The following SH3PXD2B variants were observed in gnomAD, a reference collection of about 807,000 sequenced individuals.
SH3PXD2B encodes the protein SH3 and PX domain-containing protein 2B.
A neutral mutation model predicts 73.1 loss-of-function variants in SH3PXD2B; 37 were observed. The observed-to-expected ratio is 0.51, with a 90% CI of 0.39 to 0.67. SH3PXD2B has a LOEUF of 0.67. SH3PXD2B is among the 30% of genes least tolerant of loss of function. SH3PXD2B has a pLI of 0.00. For missense variants in SH3PXD2B, 1,053 were observed against 1,197.8 expected (o/e 0.88, Z 1.78); for synonymous variants, 457 against 480.5 (o/e 0.95, Z 0.64).
At position 172,335,142 on chromosome 5, in the gene SH3PXD2B, G is replaced by T; in HGVS notation, c.*3227C>A. The T allele has an allele frequency of 3.0e-6, 3 of 988,238 alleles. No homozygotes were observed. The highest frequency in any genetic ancestry group is 3.6e-6 in the Non-Finnish European group (3 of 831,966). 61.2% of individuals were successfully genotyped at this position (988,238 alleles called of 1,614,324 possible). On this transcript the variant is annotated 3_prime_UTR_variant, in exon 13 of 13. Coordinates refer to ENST00000311601, the MANE Select transcript of SH3PXD2B (RefSeq NM_001017995.3). The stretch of plus-strand genomic sequence containing the variant: ...TATCAAGAGGTGGTCTTAGACTCAG[G>T]GTTTTCCAAATTTTTGGAGGTACCG...
At chr5:172,422,323 T>TA (rs1265544333) in intron 2 of SH3PXD2B, 93 bp downstream of exon 2, 8 of 1,232,638 alleles carry the variant, frequency 6.5e-6, no homozygotes, top group East Asian at 2.6e-5. Flanking sequence ...TCTGGGAAAT[T>TA]AAAAAAATTC....
rs773244457 is a variant in SH3PXD2B at position 172,338,528 on chromosome 5, G to A, written c.2577C>T (p.Ala859=). 151 of 1,614,052 alleles carry A rather than the reference G, an allele frequency of 9.4e-5. No individual in the cohort carries two copies. Among genetic ancestry groups the A allele is most frequent in the Middle Eastern group, 3.3e-4 (2 of 6,084 alleles). ...TGGTGTCTTTGTCTCCTTCAAAGTC[G>A]GCCACGGCCACATACAAAGAGTCCT... ...GLKDSLYVAV[A]DFEGDKDTSS... The change falls in exon 13 of 13, where the codon GCC becomes GCT. Residue 859 remains alanine (A), a synonymous_variant. Coordinates refer to ENST00000311601, the MANE Select transcript of SH3PXD2B (RefSeq NM_001017995.3). This position sits in a 1 kb window ranked among gnomAD's most constrained non-coding sequence, Gnocchi z 5.1.
intron 10 of SH3PXD2B, among the ~76,000 whole-genome samples, chr5:172,349,797 C>A: frequency 6.6e-6 from 1 of 152,150 alleles, no homozygotes; most frequent in East Asian, 1.9e-4. Context: ...CCAGTGTGAC[C>A]ACTGTGAGAT....
chr5:172,372,234 G>C (rs1369543025), intron 6 of SH3PXD2B, among the ~76,000 whole-genome samples: 2 of 152,186 alleles, frequency 1.3e-5, no homozygotes, highest in Non-Finnish European at 2.9e-5. Flanking sequence ...TTGGATCATG[G>C]GGGTGGGTCC....
At chr5:172,427,082 T>C (rs1759111097) in intron 1 of SH3PXD2B, among the ~76,000 whole-genome samples, 1 of 152,162 alleles carries the variant, frequency 6.6e-6, no homozygotes, top group Admixed American at 6.5e-5. Context: ...AGGCCAAAGA[T>C]GGAAACAACC....
chr5:172,417,442 T>C (rs1758851276), intron 2 of SH3PXD2B, among the ~76,000 whole-genome samples: 1 of 152,220 alleles, frequency 6.6e-6, no homozygotes, highest in African/African-American at 2.4e-5. Context: ...GTGTGGTGCC[T>C]AGATCCAGCC....
At chr5:172,440,915 G>A (rs1759539129) in intron 1 of SH3PXD2B, among the ~76,000 whole-genome samples, 2 of 152,092 alleles carry the variant, frequency 1.3e-5, no homozygotes, top group Admixed American at 1.3e-4. Context: ...CCTGTCTCTT[G>A]GGGGCTGCTG....
intron 2 of SH3PXD2B, among the ~76,000 whole-genome samples, chr5:172,416,861 G>A (rs561727073): frequency 1.6e-4 from 24 of 151,932 alleles, no homozygotes; most frequent in East Asian, 5.8e-4. Context: ...GGTGCGCACC[G>A]TCACACCTGG....
At chr5:172,362,188 AAACG>A (rs1444477193) in intron 7 of SH3PXD2B, among the ~76,000 whole-genome samples, 4 of 146,898 alleles carry the variant, frequency 2.7e-5, no homozygotes, top group South Asian at 4.7e-4. Context: ...GTAGATAAGA[AAACG>A]AACAGTCAGA....
At position 172,338,107 on chromosome 5, in the gene SH3PXD2B, T is replaced by C. The variant is rs1756746656; in HGVS notation, c.*262A>G. ...ATGCCATTGGCCAGGAGGAGTTCTC[T>C]TAAGGCAGGGATGCTGACATGGACA... On this transcript the variant is annotated 3_prime_UTR_variant, in exon 13 of 13. Coordinates refer to ENST00000311601, the MANE Select transcript of SH3PXD2B (RefSeq NM_001017995.3). This position sits in a 1 kb window ranked among gnomAD's most constrained non-coding sequence, Gnocchi z 5.1. 9 of 1,390,556 alleles carry C rather than the reference T, an allele frequency of 6.5e-6. No individual in the cohort carries two copies. In the Admixed American group the frequency reaches 1.5e-4, roughly 23 times the overall value. The allele number at this position is 1,390,556 out of a possible 1,614,324, so 86.1% of individuals were successfully genotyped here.
At chr5:172,433,001 C>G (rs1339123175) in intron 1 of SH3PXD2B, among the ~76,000 whole-genome samples, 2 of 151,572 alleles carry the variant, frequency 1.3e-5, no homozygotes, top group East Asian at 3.9e-4. Flanking sequence ...CACACACACA[C>G]AGTTACGCAC....
chr5:172,351,042 A>G (rs1757150857), intron 9 of SH3PXD2B, among the ~76,000 whole-genome samples: 1 of 152,230 alleles, frequency 6.6e-6, no homozygotes, highest in Non-Finnish European at 1.5e-5. Context: ...GGCCATCACT[A>G]AACCGCAGAG....
rs1757195774 is a variant in SH3PXD2B, at chr5:172,353,154, T to TTGAA, written c.785+730_785+733dup. ...AACAGAGATTCTTGGTGTGCGTTTG[T>TTGAA]TGAATGAATGAATGAATGCAGTGCT... On this transcript the variant is annotated intron_variant, in intron 9 of 12. Coordinates refer to ENST00000311601, the MANE Select transcript of SH3PXD2B (RefSeq NM_001017995.3). The surrounding 1 kb of genome is among the most constrained non-coding windows in gnomAD (Gnocchi z 4.3). 6.6e-6 allele frequency among the ~76,000 whole-genome samples: 1 copy of TTGAA among 152,162 alleles called. No individual in the cohort carries two copies. Among genetic ancestry groups the TTGAA allele is most frequent in the Non-Finnish European group, 1.5e-5 (1 of 68,020 alleles).
rs1301722100 is a variant in SH3PXD2B, at chr5:172,339,130, C to T, written c.1975G>A (p.Asp659Asn). The change falls in exon 13 of 13, where the codon GAC becomes AAC. Residue 659 changes from aspartate to asparagine, a missense_variant. By Grantham distance (23) the Asp-to-Asn change is conservative. Around this residue, in one of 2 missense-constraint regions of SH3PXD2B, gnomAD observed 587 missense variants for 590.7 expected, o/e 0.99. Transcript: ENST00000311601. This position sits in a 1 kb window ranked among gnomAD's most constrained non-coding sequence, Gnocchi z 6.1. ...CTGAGGTTGCAGATGTCGACTTGGT[C>T]TTCGCCCTGAGGTGGCTCCGTTTTG... ...SPKTEPPQGE[D>N]QVDICNLRSK... The T allele has an allele frequency of 1.2e-6, 2 of 1,614,226 alleles. No homozygotes were observed. The highest frequency in any genetic ancestry group is 1.7e-6 in the Non-Finnish European group (2 of 1,180,040).
At chr5:172,416,405 G>A (rs369342701) in intron 2 of SH3PXD2B, among the ~76,000 whole-genome samples, 3 of 150,508 alleles carry the variant, frequency 2.0e-5, no homozygotes, top group Non-Finnish European at 2.9e-5. Context: ...TTGGCTTACT[G>A]TAACCTCTGC....
chr5:172,447,313 C>A (rs751270080), intron 1 of SH3PXD2B, among the ~76,000 whole-genome samples: 14 of 152,114 alleles, frequency 9.2e-5, no homozygotes, highest in Non-Finnish European at 2.1e-4. Flanking sequence ...TGCTATTTTG[C>A]AAACCAGCTT....
At chr5:172,374,524 A>G (rs1032522284) in intron 5 of SH3PXD2B, among the ~76,000 whole-genome samples, 2 of 152,206 alleles carry the variant, frequency 1.3e-5, no homozygotes, top group African/African-American at 2.4e-5. Context: ...TCTACTAAAA[A>G]TACAAAAATT....
At chr5:172,368,844 TAATA>T (rs1757635946) in intron 6 of SH3PXD2B, among the ~76,000 whole-genome samples, 1 of 131,976 alleles carries the variant, frequency 7.6e-6, no homozygotes, top group African/African-American at 2.9e-5. Flanking sequence ...TTATAATACA[TAATA>T]TATAGTATAT....
chr5:172,338,124 A>C lies in SH3PXD2B; in HGVS notation c.*245T>G. The C allele has an allele frequency of 7.0e-7, 1 of 1,419,972 alleles. No homozygotes were observed. The allele number at this position is 1,419,972 out of a possible 1,614,324, so 88.0% of individuals were successfully genotyped here. The stretch of plus-strand genomic sequence containing the variant: ...GAGTTCTCTTAAGGCAGGGATGCTG[A>C]CATGGACAGAAAGCAAAGGCTGTGG... On this transcript the variant is annotated 3_prime_UTR_variant, in exon 13 of 13. Coordinates refer to ENST00000311601, the MANE Select transcript of SH3PXD2B (RefSeq NM_001017995.3). The surrounding 1 kb of genome is among the most constrained non-coding windows in gnomAD (Gnocchi z 5.1).
Sources: gnomAD v4.1 joint callset for allele counts (sites outside exome capture counted in the v4.1 genomes callset) on GRCh38, gnomAD v4.1.1 for gene constraint, gnomAD v4.1.1 regional missense constraint, Gnocchi (gnomAD v3.1) non-coding constraint, MANE v1.5 for transcripts, NCBI Gene and HGNC (gene_info 2026-07-23, HGNC 2026-07-21) for gene names.